Variants in COL4A6 observed in about 807,000 individuals in gnomAD.
COL4A6 encodes collagen alpha-6(IV) chain.
A neutral mutation model predicts 126.7 loss-of-function variants in COL4A6; 59 were observed. The observed-to-expected ratio is 0.47, with a 90% confidence interval of 0.38 to 0.58. COL4A6 has a LOEUF of 0.58. Ranked by LOEUF, COL4A6 falls within the 20% of genes least tolerant of loss-of-function variation. The pLI, the probability that COL4A6 is intolerant of heterozygous loss-of-function variation, is 0.00. For missense variants in COL4A6, 1,285 were observed against 1,337.3 expected (o/e 0.96, Z 0.61); for synonymous variants, 547 against 496.6 (o/e 1.10, Z -1.35).
At chrX:108,411,741 T>C (rs1412280592) in intron 2 of COL4A6, among the ~76,000 whole-genome samples, 1 of 112,123 alleles carries the variant, frequency 8.9e-6, no homozygotes, top group Non-Finnish European at 1.9e-5. Context: ...CTTAGAACTG[T>C]AATTATCTGA....
rs1165643949 is a variant in COL4A6 at position 108,221,335 on chromosome X, G to A, written c.184C>T (p.Pro62Ser). The A allele has an allele frequency of 8.3e-6, 10 of 1,211,657 alleles. No individual in the cohort carries two copies. Among genetic ancestry groups the A allele is most frequent in the Non-Finnish European group, 1.0e-5 (9 of 895,306 alleles). Residue 62 changes from proline (P) to serine (S), a missense_variant, in exon 4 of 45, where the codon CCT becomes TCT. Coordinates refer to ENST00000334504, the MANE Select transcript of COL4A6 (RefSeq NM_033641.4). ...CCAGTAGAGCCAGTGAATCCTTGAGGACCTGTTGGGCCTTGAATTCCAATT... is the reference window on the plus strand; with the variant it reads ...CCAGTAGAGCCAGTGAATCCTTGAGAACCTGTTGGGCCTTGAATTCCAATT... ...GPIGIQGPTGPQGFTGSTGLS... is the reference protein window; with the variant it reads ...GPIGIQGPTGSQGFTGSTGLS...
chrX:108,279,154 A>T (rs1289663823), intron 3 of COL4A6, among the ~76,000 whole-genome samples: 2 of 111,843 alleles, frequency 1.8e-5, no homozygotes. Flanking sequence ...ATTAACCTTA[A>T]ATGTAAATGA....
Position 108,178,975 on chromosome X carries a change from G to A in COL4A6, c.2354-130C>T, listed in dbSNP as rs954390126. ...TCCAGCCTTGTTGCTATTCCCAGCC[G>A]TAACCCAGTCTTTGCAAGAAATTTG... On this transcript the variant is annotated intron_variant, in intron 26 of 44. Coordinates refer to ENST00000334504, the MANE Select transcript of COL4A6 (RefSeq NM_033641.4). 14 of 810,211 alleles carry A rather than the reference G, an allele frequency of 1.7e-5. No individual in the cohort carries two copies. The Admixed American group carries it at 1.9e-4, about 11-fold the overall frequency. 66.8% of individuals were successfully genotyped at this position (810,211 alleles called of 1,213,427 possible). A position where few individuals can be genotyped will look rare whatever the true frequency, so the allele number is the denominator to read the frequency against.
chrX:108,323,870 A>T (rs1204849445), intron 2 of COL4A6, among the ~76,000 whole-genome samples: 1 of 111,815 alleles, frequency 8.9e-6, no homozygotes, highest in Non-Finnish European at 1.9e-5. Context: ...ACTCAAAATT[A>T]TTTCAGGTGA....
At chrX:108,404,137 G>A (rs775163771) in intron 2 of COL4A6, among the ~76,000 whole-genome samples, 1 of 111,655 alleles carries the variant, frequency 9.0e-6, no homozygotes, top group Non-Finnish European at 1.9e-5. Context: ...AATACTGTGA[G>A]AAATAAATTG....
rs929968460 is a variant in COL4A6 at position 108,187,913 on chromosome X, G to A, written c.1702C>T (p.Arg568Cys). 1.7e-6 allele frequency: 2 copies of A among 1,209,421 alleles called. No individual in the cohort carries two copies. The highest frequency in any genetic ancestry group is 2.2e-6 in the Non-Finnish European group (2 of 894,331). The change falls in exon 22 of 45, where the codon CGT becomes TGT. Residue 568 changes from arginine to cysteine, a missense_variant. Transcript: ENST00000334504. ...TTGCCTGGTTCTCCTATTACACCAC[G>A]GAAGCCCTGGGAGCCAGAATCACCC... ...DRGDSGSQGF[R>C]GVIGEPGKDG...
chrX:108,268,319 T>A (rs1302914388), intron 3 of COL4A6: 1 of 112,668 alleles, frequency 8.9e-6, no homozygotes, highest in Non-Finnish European at 1.9e-5. Context: ...TCAGCTAATA[T>A]TAATAATGAC....
At chrX:108,308,191 T>G (rs1401879499) in intron 3 of COL4A6, among the ~76,000 whole-genome samples, 1 of 111,949 alleles carries the variant, frequency 8.9e-6, no homozygotes, top group Non-Finnish European at 1.9e-5. Flanking sequence ...GTTTGAAACC[T>G]AAATGAGGGC....
intron 3 of COL4A6, among the ~76,000 whole-genome samples, chrX:108,293,675 C>T (rs2038237019): frequency 9.0e-6 from 1 of 111,512 alleles, no homozygotes; most frequent in East Asian, 2.8e-4. Flanking sequence ...TGACACTGTA[C>T]AAGTCCAGGT....
chrX:108,394,810 T>G (rs185878590), intron 2 of COL4A6, among the ~76,000 whole-genome samples: 184 of 111,994 alleles, frequency 1.6e-3, no homozygotes, highest in African/African-American at 5.4e-3. Flanking sequence ...ACCATGTAAT[T>G]CCATTTTTAT....
chrX:108,342,361 G>C (rs1202579225), intron 2 of COL4A6, among the ~76,000 whole-genome samples: 1 of 111,586 alleles, frequency 9.0e-6, no homozygotes, highest in Non-Finnish European at 1.9e-5. Flanking sequence ...TCTAGTCTAG[G>C]TGTCCACCTC....
chrX:108,334,716 G>A (rs767013762), intron 2 of COL4A6, among the ~76,000 whole-genome samples: 11 of 111,451 alleles, frequency 9.9e-5, no homozygotes, highest in Middle Eastern at 4.6e-3. Flanking sequence ...GTGTGGTATA[G>A]TAAATTCGAG....
intron 3 of COL4A6, among the ~76,000 whole-genome samples, chrX:108,238,762 A>T (rs1015122609): frequency 9.0e-6 from 1 of 110,907 alleles, no homozygotes; most frequent in Non-Finnish European, 1.9e-5. Flanking sequence ...GTTAATACCA[A>T]TGAGTGCTGT....
chrX:108,319,617 A>G (rs993011232), intron 2 of COL4A6, among the ~76,000 whole-genome samples: 1 of 112,208 alleles, frequency 8.9e-6, no homozygotes, highest in Non-Finnish European at 1.9e-5. Flanking sequence ...ATATGAAAAC[A>G]TACCAATGGA....
At chrX:108,247,300 T>G (rs1207568778) in intron 3 of COL4A6, among the ~76,000 whole-genome samples, 1 of 112,121 alleles carries the variant, frequency 8.9e-6, no homozygotes. Flanking sequence ...TTTCCAGAGA[T>G]GATAATGAGG....
chrX:108,206,355 G>T (rs773579424), intron 9 of COL4A6, 163 bp downstream of exon 9: 3 of 575,469 alleles, frequency 5.2e-6, no homozygotes, highest in Admixed American at 4.5e-5. Context: ...AACTCCAATA[G>T]CTCCTCGCAA....
intron 3 of COL4A6, among the ~76,000 whole-genome samples, chrX:108,250,135 G>A (rs962174993): frequency 9.0e-6 from 1 of 111,664 alleles, no homozygotes; most frequent in Admixed American, 9.5e-5. Context: ...AAGCAAAACA[G>A]CTGGCCAAGT....
At chrX:108,394,389 C>T (rs2040916313) in intron 2 of COL4A6, among the ~76,000 whole-genome samples, 1 of 109,347 alleles carries the variant, frequency 9.1e-6, no homozygotes, top group South Asian at 4.1e-4. Context: ...TAAACCTGCA[C>T]ATTCTGCACA....
At chrX:108,254,305 AG>A (rs1334674466) in intron 3 of COL4A6, among the ~76,000 whole-genome samples, 1 of 110,613 alleles carries the variant, frequency 9.0e-6, no homozygotes, top group African/African-American at 3.3e-5. Flanking sequence ...CAAACATTCC[AG>A]ATAGCAAAGG....
Sources: gnomAD v4.1 joint callset for allele counts (sites outside exome capture counted in the v4.1 genomes callset) on GRCh38, gnomAD v4.1.1 for gene constraint, MANE v1.5 for transcripts, NCBI Gene and HGNC (gene_info 2026-07-23, HGNC 2026-07-21) for gene names.